ANO10: variants seen among roughly 807,000 people sequenced by gnomAD.
ANO10 encodes anoctamin-10.
In ANO10, 77 loss-of-function variants were observed where a neutral mutation model predicts 74.7. The observed-to-expected ratio is 1.03, with a 90% CI of 0.86 to 1.25. The LOEUF is 1.25. ANO10 is among the 50% of genes most tolerant of loss of function. The pLI is 0.00. For missense variants in ANO10, 721 were observed against 778.1 expected, an observed-to-expected ratio of 0.93 and a Z score of 0.87; for synonymous variants, 279 against 284.9, an observed-to-expected ratio of 0.98 and a Z score of 0.21.
intron 1 of ANO10, among the ~76,000 whole-genome samples, chr3:43,642,550 T>G (rs567031511): frequency 2.2e-4 from 34 of 152,318 alleles, no homozygotes; most frequent in Middle Eastern, 3.4e-3. Flanking sequence ...GATTTTACTT[T>G]TGTCTTTTTT....
intron 1 of ANO10, among the ~76,000 whole-genome samples, chr3:43,612,613 T>TA (rs2082884723): frequency 6.6e-6 from 1 of 152,232 alleles, no homozygotes; most frequent in Non-Finnish European, 1.5e-5. Context: ...ACTTTGGACT[T>TA]ACTTATTCTA....
chr3:43,443,216 G>T (rs1174524017), intron 11 of ANO10, among the ~76,000 whole-genome samples: 1 of 152,176 alleles, frequency 6.6e-6, no homozygotes, highest in Non-Finnish European at 1.5e-5. Context: ...TGCCTGCATG[G>T]GTGACTTTCC....
intron 11 of ANO10, among the ~76,000 whole-genome samples, chr3:43,475,684 T>C (rs1201934876): frequency 6.6e-6 from 1 of 152,194 alleles, no homozygotes; most frequent in Non-Finnish European, 1.5e-5. Flanking sequence ...CTGCAACCTC[T>C]GCCTCCTGGG....
At position 43,561,296 on chromosome 3, in the gene ANO10, A is replaced by C. The variant is rs1575427804; in HGVS notation, c.1400T>G (p.Val467Gly). 6.2e-7 allele frequency: 1 copy of C among 1,614,170 alleles called. No homozygotes were observed. Among genetic ancestry groups the C allele is most frequent in the Non-Finnish European group, 8.5e-7 (1 of 1,180,034 alleles). ...ATCAATGTCTGCCTTTAAAGCCTGC[A>C]CCTTCCTCTTCACCCGCACACCATG... ...RKHGVRVKRK[V>G]QALKADIDAT... The change falls in exon 9 of 13, where the codon GTG becomes GGG. Residue 467 changes from valine (V) to glycine (G), a missense_variant. By Grantham distance (109) the Val-to-Gly change is moderately radical. Transcript: ENST00000292246.
intron 1 of ANO10, among the ~76,000 whole-genome samples, chr3:43,675,720 G>A (rs2149579275): frequency 6.6e-6 from 1 of 152,046 alleles, no homozygotes; most frequent in Admixed American, 6.6e-5. Context: ...CATCAGAATG[G>A]CTAAAATAAA....
At chr3:43,495,892 G>A (rs2076897136) in intron 11 of ANO10, among the ~76,000 whole-genome samples, 2 of 151,856 alleles carry the variant, frequency 1.3e-5, no homozygotes, top group Admixed American at 6.6e-5. Context: ...TAGTAGAGAC[G>A]GGGTTTCACC....
chr3:43,601,396 C>T (rs919025706), intron 2 of ANO10, among the ~76,000 whole-genome samples: 4 of 152,124 alleles, frequency 2.6e-5, no homozygotes, highest in African/African-American at 9.7e-5. Context: ...AGGGTTTCAC[C>T]ATGTTGCCCA....
chr3:43,598,658 CATT>C lies in ANO10; in HGVS notation c.343_345del (p.Asn115del), dbSNP rs771064874. Reference sequence around the variant, plus strand: ...CATTCTGCCATTGTCAGGAAATCATCATTGTTATCTAAAATAAAACAGAAATTA... The same window carrying C: ...CATTCTGCCATTGTCAGGAAATCATCGTTATCTAAAATAAAACAGAAATTA... On this transcript the variant is annotated inframe_deletion, in exon 4 of 13. Transcript: ENST00000292246. The C allele has an allele frequency of 8.5e-5, 137 of 1,603,340 alleles. 2 individuals are homozygous for C. In the Admixed American group the frequency reaches 1.0e-3, roughly 12 times the overall value.
intron 1 of ANO10, among the ~76,000 whole-genome samples, chr3:43,639,359 C>T (rs181077258): frequency 2.0e-5 from 3 of 152,302 alleles, no homozygotes; most frequent in Non-Finnish European, 2.9e-5. Flanking sequence ...AGAGGGCTCC[C>T]GTCCACACCC....
At chr3:43,493,474 CA>C (rs1300014755) in intron 11 of ANO10, among the ~76,000 whole-genome samples, 1 of 151,808 alleles carries the variant, frequency 6.6e-6, no homozygotes, top group East Asian at 1.9e-4. Context: ...GGACATCAGA[CA>C]ATTTATTTAA....
intron 4 of ANO10, among the ~76,000 whole-genome samples, chr3:43,582,960 C>A (rs2081327427): frequency 6.6e-6 from 1 of 152,200 alleles, no homozygotes; most frequent in Non-Finnish European, 1.5e-5. Context: ...TTCTTCCTAT[C>A]ACTACTCTTG....
At chr3:43,601,025 T>C (rs1230484686) in intron 2 of ANO10, among the ~76,000 whole-genome samples, 2 of 152,184 alleles carry the variant, frequency 1.3e-5, no homozygotes, top group African/African-American at 4.8e-5. Context: ...GAATGTTAAA[T>C]ACTAAATAAC....
intron 1 of ANO10, among the ~76,000 whole-genome samples, chr3:43,656,517 A>G (rs922841298): frequency 6.6e-6 from 1 of 152,138 alleles, no homozygotes; most frequent in African/African-American, 2.4e-5. Context: ...ACAGGAGCCC[A>G]TGGAGGGGGT....
At chr3:43,558,317 T>C (rs1207768293) in intron 9 of ANO10, among the ~76,000 whole-genome samples, 2 of 152,218 alleles carry the variant, frequency 1.3e-5, no homozygotes, top group Admixed American at 1.3e-4. Flanking sequence ...TATGATGTTC[T>C]ACTTGGAATA....
intron 12 of ANO10, among the ~76,000 whole-genome samples, chr3:43,415,963 G>C (rs1288898630): frequency 6.6e-6 from 1 of 150,866 alleles, no homozygotes; most frequent in Non-Finnish European, 1.5e-5. Flanking sequence ...GACTGATGTT[G>C]TTAAAGATGG....
chr3:43,565,796 T>A (rs2149360711), intron 7 of ANO10, 69 bp from the exon 8 acceptor site: 3 of 1,484,492 alleles, frequency 2.0e-6, no homozygotes, highest in Middle Eastern at 2.0e-4. Flanking sequence ...ACAACTGTAA[T>A]GCAGCATTTA....
At chr3:43,451,714 C>T (rs181649047) in intron 11 of ANO10, among the ~76,000 whole-genome samples, 8 of 152,224 alleles carry the variant, frequency 5.3e-5, no homozygotes, top group African/African-American at 9.6e-5. Flanking sequence ...AGTCCAAATA[C>T]GCTTAGATAA....
intron 7 of ANO10, among the ~76,000 whole-genome samples, chr3:43,571,753 T>C (rs1253761227): frequency 6.7e-6 from 1 of 149,626 alleles, no homozygotes; most frequent in African/African-American, 2.5e-5. Context: ...AGTTAGTGGG[T>C]GCAGCGCACC....
chr3:43,491,771 T>C (rs2076733195), intron 11 of ANO10, among the ~76,000 whole-genome samples: 1 of 151,932 alleles, frequency 6.6e-6, no homozygotes, highest in Non-Finnish European at 1.5e-5. Flanking sequence ...CAGTAACAAA[T>C]TAACAGAAAA....
Sources: gnomAD v4.1 joint callset for allele counts (sites outside exome capture counted in the v4.1 genomes callset) on GRCh38, gnomAD v4.1.1 for gene constraint, MANE v1.5 for transcripts, NCBI Gene and HGNC (gene_info 2026-07-23, HGNC 2026-07-21) for gene names.